Variants in VMP1 observed in about 807,000 individuals in gnomAD.
VMP1 encodes the protein ectopic P-granules autophagy protein 3 homolog.
Under a neutral mutation model 56.0 loss-of-function variants are expected in VMP1, and 11 were observed. The observed-to-expected ratio is 0.20, with a 90% confidence interval of 0.12 to 0.32. The LOEUF is 0.32. VMP1 is among the 10% of genes least tolerant of loss of function. The pLI is 1.00. For missense variants in VMP1, 296 were observed against 490.3 expected (o/e 0.60, Z 3.74); for synonymous variants, 149 against 165.0 (o/e 0.90, Z 0.74).
intron 7 of VMP1, among the ~76,000 whole-genome samples, chr17:59,799,708 A>G (rs903426218): frequency 1.3e-5 from 2 of 152,186 alleles, no homozygotes; most frequent in Non-Finnish European, 2.9e-5. Flanking sequence ...CACGCCTGAA[A>G]TCCCAGCATT....
At position 59,792,857 on chromosome 17, in the gene VMP1, T is replaced by A. The variant is rs1358796804; in HGVS notation, c.715-15939T>A. On this transcript the variant is annotated intron_variant, in intron 7 of 11. Coordinates refer to ENST00000262291, the MANE Select transcript of VMP1 (RefSeq NM_030938.5). ...TGAGCAAAAACGCCATCTCAAAAAA[T>A]AATAATAATAATAATAATAATTATT... 2.3e-3 allele frequency among the ~76,000 whole-genome samples: 105 copies of A among 45,778 alleles called. 21 individuals are homozygous for A. Among genetic ancestry groups the A allele is most frequent in the Non-Finnish European group, 4.9e-3 (69 of 13,956 alleles). The allele number at this position is 45,778 out of a possible 152,430, so 30.0% of individuals were successfully genotyped here.
At chr17:59,809,988 A>AT (rs901312591) in intron 8 of VMP1, among the ~76,000 whole-genome samples, 13 of 152,270 alleles carry the variant, frequency 8.5e-5, no homozygotes, top group Admixed American at 8.5e-4. Flanking sequence ...ATTAAACTAC[A>AT]TTTAACCAAA....
chr17:59,708,817 T>C (rs2033791767), intron 1 of VMP1, among the ~76,000 whole-genome samples: 2 of 152,208 alleles, frequency 1.3e-5, no homozygotes, highest in Non-Finnish European at 2.9e-5. Flanking sequence ...GTATGCATTG[T>C]AGCTTATGTT....
intron 7 of VMP1, among the ~76,000 whole-genome samples, chr17:59,800,914 A>T (rs573099228): frequency 3.4e-4 from 52 of 151,652 alleles, no homozygotes; most frequent in Non-Finnish European, 6.0e-4. Flanking sequence ...ACCCCATCTT[A>T]ACTAAAAATA....
At chr17:59,787,011 T>A (rs190208383) in intron 7 of VMP1, among the ~76,000 whole-genome samples, 1 of 152,322 alleles carries the variant, frequency 6.6e-6, no homozygotes, top group East Asian at 1.9e-4. Context: ...GCGGGCCTGG[T>A]AGATAGTCTT....
intron 8 of VMP1, among the ~76,000 whole-genome samples, chr17:59,810,518 A>C (rs187887025): frequency 2.3e-3 from 343 of 152,258 alleles, no homozygotes; most frequent in Non-Finnish European, 4.1e-3. Context: ...ATGATAAAGG[A>C]AAAAAAAGTT....
intron 7 of VMP1, among the ~76,000 whole-genome samples, chr17:59,780,751 T>G (rs1377408431): frequency 6.6e-6 from 1 of 152,112 alleles, no homozygotes; most frequent in Non-Finnish European, 1.5e-5. Context: ...CACGCCTGGC[T>G]AATTTTTTGT....
chr17:59,767,147 G>A (rs1278311053), intron 6 of VMP1, among the ~76,000 whole-genome samples: 2 of 151,480 alleles, frequency 1.3e-5, no homozygotes. Flanking sequence ...AACTCATTGG[G>A]ATTTGTTATG....
chr17:59,798,464 C>CA (rs2037524273), intron 7 of VMP1, among the ~76,000 whole-genome samples: 1 of 152,128 alleles, frequency 6.6e-6, no homozygotes, highest in Non-Finnish European at 1.5e-5. Flanking sequence ...AAACTGTAGC[C>CA]AACAATACAA....
At chr17:59,715,353 A>G (rs984122220) in intron 1 of VMP1, among the ~76,000 whole-genome samples, 1 of 152,182 alleles carries the variant, frequency 6.6e-6, no homozygotes, top group Non-Finnish European at 1.5e-5. Flanking sequence ...GAAACTTACA[A>G]TCATGGTGGT....
intron 7 of VMP1, among the ~76,000 whole-genome samples, chr17:59,780,670 T>G (rs2036789602): frequency 6.6e-6 from 1 of 152,122 alleles, no homozygotes; most frequent in Non-Finnish European, 1.5e-5. Context: ...GACTGCAACC[T>G]CTGCCTCCTG....
At chr17:59,748,590 TAC>T (rs1379501004) in intron 5 of VMP1, among the ~76,000 whole-genome samples, 1 of 152,208 alleles carries the variant, frequency 6.6e-6, no homozygotes, top group African/African-American at 2.4e-5. Flanking sequence ...AAATTACTTG[TAC>T]AGTTTTCAGC....
intron 7 of VMP1, among the ~76,000 whole-genome samples, chr17:59,805,924 C>T (rs988498263): frequency 5.3e-5 from 8 of 152,024 alleles, no homozygotes; most frequent in Non-Finnish European, 1.2e-4. Context: ...CAATTGAATA[C>T]AATCTTCCCT....
In VMP1 at chr17:59,842,060, GTGTGATACCC is replaced by G. The variant is rs1568252674; in HGVS notation, c.*2151_*2160del. On this transcript the variant is annotated 3_prime_UTR_variant, in exon 12 of 12. Coordinates refer to ENST00000262291, the MANE Select transcript of VMP1 (RefSeq NM_030938.5). ...TTCCTGCTGGATTCCAGCTGGAGCG[GTGTGATACCC>G]TTCTTTTTCAGCTGTTCGTGCCTTC... The G allele has an allele frequency of 2.0e-5, 3 of 152,258 alleles. No homozygotes were observed. Among genetic ancestry groups the G allele is most frequent in the Non-Finnish European group, 2.9e-5 (2 of 68,006 alleles). The allele number at this position is 152,258 out of a possible 1,614,324, so 9.4% of individuals were successfully genotyped here.
At chr17:59,771,682 TG>T (rs1462928388) in intron 6 of VMP1, among the ~76,000 whole-genome samples, 1 of 145,678 alleles carries the variant, frequency 6.9e-6, no homozygotes, top group African/African-American at 2.5e-5. Flanking sequence ...TCACAGCTCA[TG>T]GCAGCCTTGA....
chr17:59,799,887 C>T (rs904505732), intron 7 of VMP1, among the ~76,000 whole-genome samples: 6 of 149,376 alleles, frequency 4.0e-5, no homozygotes, highest in African/African-American at 1.5e-4. Flanking sequence ...CACTTGAACC[C>T]GGGAGGCGGA....
At chr17:59,723,396 G>A (rs537621449) in intron 1 of VMP1, among the ~76,000 whole-genome samples, 21 of 152,278 alleles carry the variant, frequency 1.4e-4, no homozygotes, top group Admixed American at 8.5e-4. Context: ...AGGGGGAGCC[G>A]TCAGAGAAAT....
chr17:59,732,940 G>A (rs553483838), intron 2 of VMP1, among the ~76,000 whole-genome samples: 4 of 152,134 alleles, frequency 2.6e-5, no homozygotes, highest in Admixed American at 2.6e-4. Flanking sequence ...GGCCAAGGCG[G>A]AAGGATCTCT....
chr17:59,801,265 G>A (rs2037652199), intron 7 of VMP1, among the ~76,000 whole-genome samples: 1 of 151,380 alleles, frequency 6.6e-6, no homozygotes, highest in South Asian at 2.1e-4. Context: ...TGTTGAAGGG[G>A]GAGATCATCT....
Sources: gnomAD v4.1 joint callset for allele counts (sites outside exome capture counted in the v4.1 genomes callset) on GRCh38, gnomAD v4.1.1 for gene constraint, MANE v1.5 for transcripts, NCBI Gene and HGNC (gene_info 2026-07-23, HGNC 2026-07-21) for gene names.